Variants in NTM observed in about 807,000 individuals in gnomAD.
NTM encodes neurotrimin, also known as IgLON family member 2.
A neutral mutation model predicts 42.1 loss-of-function variants in NTM; 13 were observed. The observed-to-expected ratio is 0.31, with a 90% CI of 0.20 to 0.49. The LOEUF is 0.49. Among genes scored for constraint, NTM ranks in the 20% least tolerant of loss-of-function variants. NTM has a pLI of 0.99. For missense variants in NTM, 373 were observed against 452.8 expected, an observed-to-expected ratio of 0.82 and a Z score of 1.60; for synonymous variants, 187 against 179.2, an observed-to-expected ratio of 1.04 and a Z score of -0.35.
chr11:131,777,466 T>A (rs2087231374), intron 1 of NTM, among the ~76,000 whole-genome samples: 1 of 111,804 alleles, frequency 8.9e-6, no homozygotes, highest in Non-Finnish European at 1.7e-5. Flanking sequence ...GCAATCCTAG[T>A]GTGAGTCTAC....
intron 2 of NTM, among the ~76,000 whole-genome samples, chr11:131,956,035 G>T (rs2061524179): frequency 6.6e-6 from 1 of 152,192 alleles, no homozygotes; most frequent in Admixed American, 6.5e-5. Context: ...CCTGGGCCAG[G>T]CAGGGAAGCC....
chr11:131,413,233 G>A (rs1486073655), intron 1 of NTM, among the ~76,000 whole-genome samples: 1 of 152,196 alleles, frequency 6.6e-6, no homozygotes, highest in Non-Finnish European at 1.5e-5. Flanking sequence ...ATCCATGTTA[G>A]TGAAGTAATT....
chr11:132,262,941 C>T (rs1409354105), intron 4 of NTM, among the ~76,000 whole-genome samples: 3 of 152,026 alleles, frequency 2.0e-5, no homozygotes, highest in Non-Finnish European at 4.4e-5. Context: ...TTCCAAAATA[C>T]AATAGTGGGA....
At chr11:131,676,793 G>A (rs557870602) in intron 1 of NTM, among the ~76,000 whole-genome samples, 90 of 152,258 alleles carry the variant, frequency 5.9e-4, no homozygotes, top group African/African-American at 2.0e-3. Flanking sequence ...AGAACAAGGC[G>A]TCTTCTTCCA....
At chr11:131,531,600 T>G (rs2051286412) in intron 1 of NTM, among the ~76,000 whole-genome samples, 1 of 152,246 alleles carries the variant, frequency 6.6e-6, no homozygotes. Context: ...CTGTTAAGAC[T>G]GCCTGTTCTC....
chr11:132,330,045 C>A, intron 7 of NTM, 108 bp from the exon 8 acceptor site: 1 of 1,506,984 alleles, frequency 6.6e-7, no homozygotes, highest in East Asian at 2.5e-5. Context: ...GGCGCAGGGA[C>A]GCTGCTGCGC....
In NTM at chr11:132,302,489, T is replaced by A. The variant is rs114805632; in HGVS notation, c.527-5200T>A. Among the ~76,000 whole-genome samples, 1,050 of 152,290 alleles carry A rather than the reference T, an allele frequency of 6.9e-3. 14 individuals carry two copies. The highest frequency in any genetic ancestry group is 0.024 in the African/African-American group (1,016 of 41,578). On this transcript the variant is annotated intron_variant, in intron 4 of 8. Coordinates refer to ENST00000683400, the MANE Select transcript of NTM (RefSeq NM_001352005.2). ...GACTGTACATGGTGTTCTTTTGGGA[T>A]TGGGGCCACAGGAGGGTTAGGTGAG...
intron 1 of NTM, among the ~76,000 whole-genome samples, chr11:131,471,519 A>G (rs890456808): frequency 6.6e-6 from 1 of 152,228 alleles, no homozygotes; most frequent in African/African-American, 2.4e-5. Flanking sequence ...TGTAACGGAA[A>G]GCCCACTTAG....
chr11:131,634,318 T>C (rs1335189648), intron 1 of NTM, among the ~76,000 whole-genome samples: 6 of 152,180 alleles, frequency 3.9e-5, no homozygotes, highest in Admixed American at 2.6e-4. Context: ...TGCAGACGGC[T>C]TATTCTGGTG....
rs368160756 is a variant in NTM at position 132,292,258 on chromosome 11, T to C, written c.527-15431T>C. Among the ~76,000 whole-genome samples the C allele has an allele frequency of 2.6e-5, 4 of 152,268 alleles. No homozygotes were observed. The East Asian group carries it at 7.7e-4, about 29-fold the overall frequency. Reference sequence around the variant, plus strand: ...AATAGAAGTGAAGGGGTTGAGGATATTTCCCCATGAGAGTTGCAGTGATGG... The same window carrying C: ...AATAGAAGTGAAGGGGTTGAGGATACTTCCCCATGAGAGTTGCAGTGATGG... On this transcript the variant is annotated intron_variant, in intron 4 of 8. Transcript: ENST00000683400.
At chr11:131,675,924 G>T (rs1008284148) in intron 1 of NTM, among the ~76,000 whole-genome samples, 3 of 152,176 alleles carry the variant, frequency 2.0e-5, no homozygotes, top group African/African-American at 7.2e-5. Context: ...AAGGACTGGG[G>T]TCCAGATCCA....
chr11:131,572,157 G>A (rs997434050), intron 1 of NTM, among the ~76,000 whole-genome samples: 1 of 152,140 alleles, frequency 6.6e-6, no homozygotes. Flanking sequence ...GAAGGACATA[G>A]GCACACACAG....
chr11:131,664,753 G>GTTTTTTTTTTTTTTTTTTTTTTTTTTTT (rs199824869), intron 1 of NTM, among the ~76,000 whole-genome samples: 1 of 112,886 alleles, frequency 8.9e-6, no homozygotes, highest in African/African-American at 3.3e-5. Flanking sequence ...CTCTTCCATT[G>GTTTTTTTTTTTTTTTTTTTTTTTTTTTT]TTTTTTTTTT....
intron 1 of NTM, among the ~76,000 whole-genome samples, chr11:131,558,085 C>T (rs1230535365): frequency 2.0e-5 from 3 of 152,212 alleles, no homozygotes; most frequent in Non-Finnish European, 4.4e-5. Context: ...TGTGCTATGA[C>T]ATTGCTCCCT....
At chr11:131,923,542 C>A (rs542986593) in intron 2 of NTM, among the ~76,000 whole-genome samples, 1 of 150,254 alleles carries the variant, frequency 6.7e-6, no homozygotes, top group African/African-American at 2.5e-5. Flanking sequence ...AATTGTCAGG[C>A]AATGTGACAC....
chr11:132,322,256 C>G (rs1365849778), intron 7 of NTM, among the ~76,000 whole-genome samples: 7 of 152,012 alleles, frequency 4.6e-5, no homozygotes, highest in Middle Eastern at 3.4e-3. Context: ...GAGTCAAGAC[C>G]CATCAGTGTG....
At chr11:131,496,737 A>G (rs1008292253) in intron 1 of NTM, among the ~76,000 whole-genome samples, 3 of 152,156 alleles carry the variant, frequency 2.0e-5, no homozygotes, top group African/African-American at 7.2e-5. Context: ...ATGAATCCCA[A>G]ATGGGTGTGT....
chr11:131,435,428 A>G (rs1949043573), intron 1 of NTM, among the ~76,000 whole-genome samples: 1 of 152,136 alleles, frequency 6.6e-6, no homozygotes, highest in Admixed American at 6.5e-5. Context: ...ATGAGCATGG[A>G]ATGTTCTTCC....
At chr11:131,660,483 C>T (rs1356546240) in intron 1 of NTM, 3 of 457,396 alleles carry the variant, frequency 6.6e-6, no homozygotes, top group East Asian at 7.0e-5. Flanking sequence ...GGGAGCTGAC[C>T]TTCCTCCCTC....
Sources: allele counts gnomAD v4.1 joint callset (sites outside exome capture counted in the v4.1 genomes callset), GRCh38; gene constraint gnomAD v4.1.1; transcripts MANE v1.5; gene names NCBI Gene and HGNC (gene_info 2026-07-23, HGNC 2026-07-21).